CCDC126: variants seen among roughly 807,000 people sequenced by gnomAD.
CCDC126 encodes coiled-coil domain containing 126.
CCDC126 carries 5 observed loss-of-function variants against 11.7 expected under a neutral mutation model. That is an observed-to-expected ratio of 0.43 (90% CI 0.22 to 0.90). The LOEUF (loss-of-function observed/expected upper bound fraction) is 0.90, where lower values mean the gene tolerates loss of function less well. CCDC126 is among the 40% of genes least tolerant of loss of function. CCDC126 has a pLI of 0.27. For synonymous variants in CCDC126, 60 were observed against 61.9 expected, an observed-to-expected ratio of 0.97 and a Z score of 0.14; for missense variants, 150 against 163.1, an observed-to-expected ratio of 0.92 and a Z score of 0.44.
chr7:23,634,277 C>G (rs1783166846), intron 3 of CCDC126, among the ~76,000 whole-genome samples: 1 of 152,094 alleles, frequency 6.6e-6, no homozygotes, highest in Non-Finnish European at 1.5e-5. Flanking sequence ...GAAACCCTGT[C>G]TCTACAAAAA....
chr7:23,598,585 G>A (rs1035649382), intron 2 of CCDC126: 1 of 152,202 alleles, frequency 6.6e-6, no homozygotes, highest in African/African-American at 2.4e-5. Context: ...GGCGCTAAGT[G>A]TTTGTTTCGT....
At chr7:23,600,657 T>A (rs1397689965) in intron 2 of CCDC126, among the ~76,000 whole-genome samples, 1 of 152,174 alleles carries the variant, frequency 6.6e-6, no homozygotes, top group East Asian at 1.9e-4. Flanking sequence ...TGCCTGCTAG[T>A]TGCTGCTATT....
At chr7:23,609,211 T>G (rs1306148048) in intron 2 of CCDC126, among the ~76,000 whole-genome samples, 1 of 152,080 alleles carries the variant, frequency 6.6e-6, no homozygotes, top group Non-Finnish European at 1.5e-5. Flanking sequence ...GGGATGGAGT[T>G]TCACTCTTGT....
chr7:23,636,045 T>C (rs1783203941), intron 3 of CCDC126, among the ~76,000 whole-genome samples: 1 of 152,046 alleles, frequency 6.6e-6, no homozygotes, highest in African/African-American at 2.4e-5. Context: ...GTTTTTTTTT[T>C]GGTGGAGACG....
chr7:23,623,453 A>G (rs145082578), intron 3 of CCDC126, among the ~76,000 whole-genome samples: 2,456 of 152,130 alleles, frequency 0.016, 54 homozygotes, highest in Non-Finnish European at 0.016. Flanking sequence ...AAAGTTGGCC[A>G]GGTGTGGCGT....
At chr7:23,640,991 G>GTTTTTTTTTTTTTTTTTT (rs754297249) in intron 3 of CCDC126, among the ~76,000 whole-genome samples, 1 of 111,000 alleles carries the variant, frequency 9.0e-6, no homozygotes. Context: ...GAATCCTTTT[G>GTTTTTTTTTTTTTTTTTT]GTTTTTTTTT....
intron 3 of CCDC126, 144 bp downstream of exon 3, chr7:23,611,697 A>G: frequency 1.6e-6 from 1 of 639,708 alleles, no homozygotes; most frequent in Non-Finnish European, 2.8e-6. Context: ...AATGTACTGA[A>G]AAATAGAGAT....
chr7:23,599,182 T>C (rs1782486664), intron 2 of CCDC126, among the ~76,000 whole-genome samples: 1 of 152,244 alleles, frequency 6.6e-6, no homozygotes, highest in Non-Finnish European at 1.5e-5. Context: ...CTTTGTTCTC[T>C]TTCTCCCTAC....
intron 3 of CCDC126, among the ~76,000 whole-genome samples, chr7:23,641,021 A>G (rs1291295776): frequency 9.2e-6 from 1 of 109,154 alleles, no homozygotes; most frequent in African/African-American, 3.6e-5. Flanking sequence ...TTTTTGGTAT[A>G]TACCTAGGAG....
At chr7:23,615,711 A>G (rs1236569969) in intron 3 of CCDC126, among the ~76,000 whole-genome samples, 3 of 152,186 alleles carry the variant, frequency 2.0e-5, no homozygotes, top group African/African-American at 7.2e-5. Context: ...TGTCTAAGGG[A>G]ATAGGGAGGC....
intron 3 of CCDC126, chr7:23,622,823 C>A: frequency 2.3e-6 from 1 of 430,610 alleles, no homozygotes; most frequent in South Asian, 1.8e-5. Context: ...CCCCTCCATT[C>A]TAAATCTTAC....
chr7:23,620,548 A>C (rs1343585703), intron 3 of CCDC126, among the ~76,000 whole-genome samples: 4 of 151,100 alleles, frequency 2.6e-5, no homozygotes, highest in Non-Finnish European at 5.9e-5. Context: ...CTCTGATGGT[A>C]GTTTCTTTTG....
At chr7:23,620,271 A>G (rs1443333746) in intron 3 of CCDC126, among the ~76,000 whole-genome samples, 1 of 152,174 alleles carries the variant, frequency 6.6e-6, no homozygotes, top group South Asian at 2.1e-4. Context: ...AATGATCGCC[A>G]TTCTAACTGG....
chr7:23,632,987 C>T (rs1783141610), intron 3 of CCDC126, among the ~76,000 whole-genome samples: 1 of 152,176 alleles, frequency 6.6e-6, no homozygotes, highest in African/African-American at 2.4e-5. Context: ...GTGATCTAAA[C>T]TGCCTTGCAG....
chr7:23,625,147 T>C (rs1404938041), intron 3 of CCDC126, among the ~76,000 whole-genome samples: 1 of 152,254 alleles, frequency 6.6e-6, no homozygotes, highest in Non-Finnish European at 1.5e-5. Context: ...CCTGGCCTAT[T>C]ATCTCATTTT....
In CCDC126 at chr7:23,643,254, A is replaced by C; in HGVS notation, c.*139A>C. The C allele has an allele frequency of 1.4e-6, 1 of 737,680 alleles. No homozygotes were observed. Among genetic ancestry groups the C allele is most frequent in the South Asian group, 2.4e-5 (1 of 41,704 alleles). 45.7% of individuals were successfully genotyped at this position (737,680 alleles called of 1,614,324 possible). On this transcript the variant is annotated 3_prime_UTR_variant, in exon 4 of 4. Coordinates refer to ENST00000307471, the MANE Select transcript of CCDC126 (RefSeq NM_138771.4). ...CATTTTCAAGGAGTATGCTGGATTC[A>C]TGGAACTCTAATTCTGTACATAAAA...
chr7:23,606,698 C>A (rs227917), intron 2 of CCDC126, among the ~76,000 whole-genome samples: 118,252 of 152,062 alleles, frequency 0.78, 46,349 homozygotes, highest in African/African-American at 0.87. Context: ...GTTGGTTGAG[C>A]ACTTTCTCCT....
intron 3 of CCDC126, chr7:23,619,558 A>T: frequency 1.2e-5 from 3 of 260,664 alleles, no homozygotes; most frequent in South Asian, 5.4e-5. Context: ...TACCAACTTT[A>T]TTTATTTTTT....
rs1026316407 is a variant in CCDC126, at chr7:23,597,467, C to T, written c.-369C>T. 8 of 152,298 alleles carry T rather than the reference C, an allele frequency of 5.3e-5. No individual in the cohort carries two copies. Among genetic ancestry groups the T allele is most frequent in the African/African-American group, 1.9e-4 (8 of 41,462 alleles). The allele number at this position is 152,298 out of a possible 1,614,324, so 9.4% of individuals were successfully genotyped here. ...CAAACCTCGTCCCAACTCCCACCCA[C>T]CGGCGTTTCTCCAGCTCGATCTGGA... On this transcript the variant is annotated 5_prime_UTR_variant, in exon 1 of 4. Transcript: ENST00000307471.
Sources: gnomAD v4.1 joint callset for allele counts (sites outside exome capture counted in the v4.1 genomes callset) on GRCh38, gnomAD v4.1.1 for gene constraint, MANE v1.5 for transcripts, NCBI Gene and HGNC (gene_info 2026-07-23, HGNC 2026-07-21) for gene names.